MSR1: variants seen among roughly 807,000 people sequenced by gnomAD.
The protein encoded by MSR1 is macrophage scavenger receptor types I and II.
MSR1 carries 53 observed loss-of-function variants against 47.2 expected under a neutral mutation model. The ratio of observed to expected loss-of-function variants is 1.12; its 90% CI spans 0.90 to 1.41. The LOEUF (loss-of-function observed/expected upper bound fraction) is 1.41. Ranked by LOEUF, MSR1 falls within the 40% of genes most tolerant of loss-of-function variation. MSR1 has a pLI of 0.00. For missense variants in MSR1, 786 were observed against 546.9 expected (o/e 1.44, Z -4.36); for synonymous variants, 239 against 185.6 (o/e 1.29, Z -2.34).
chr8:16,143,115 A>C (rs190523770), intron 8 of MSR1, among the ~76,000 whole-genome samples: 14 of 152,250 alleles, frequency 9.2e-5, no homozygotes, highest in African/African-American at 3.4e-4. Context: ...CCACATTTCA[A>C]GTTTTTAGAA....
At chr8:16,140,458 C>G (rs1393003706) in intron 8 of MSR1, 7 of 987,054 alleles carry the variant, frequency 7.1e-6, no homozygotes, top group Non-Finnish European at 8.4e-6. Context: ...AAAATTTACA[C>G]CCTAGTTGTA....
chr8:16,130,984 G>A (rs948323768), intron 8 of MSR1, among the ~76,000 whole-genome samples: 5 of 151,936 alleles, frequency 3.3e-5, no homozygotes, highest in African/African-American at 9.7e-5. Flanking sequence ...TGTATTCTTC[G>A]GGTATATACT....
intron 3 of MSR1, among the ~76,000 whole-genome samples, chr8:16,172,407 T>C (rs1801511627): frequency 1.3e-5 from 2 of 152,306 alleles, no homozygotes; most frequent in South Asian, 4.1e-4. Flanking sequence ...TTCTATAAAA[T>C]GTTAACTTTT....
At chr8:16,120,776 A>T in intron 8 of MSR1, 170 bp from the exon 9 acceptor site, 1 of 853,562 alleles carries the variant, frequency 1.2e-6, no homozygotes, top group South Asian at 1.9e-5. Flanking sequence ...ACCTATTGGT[A>T]AAGAGTTTAA....
chr8:16,128,631 T>C lies in MSR1; in HGVS notation c.1034-8025A>G, dbSNP rs1800183131. Among the ~76,000 whole-genome samples the C allele has an allele frequency of 2.0e-5, 3 of 152,146 alleles. No homozygotes were observed. In the South Asian group the frequency reaches 6.2e-4, roughly 32 times the overall value. ...GACTAATACGTTTTCTTTTTTCACTTATGTTATGTTTTTACTTGCAAACGA... is the reference window on the plus strand; with the variant it reads ...GACTAATACGTTTTCTTTTTTCACTCATGTTATGTTTTTACTTGCAAACGA... On this transcript the variant is annotated intron_variant, in intron 8 of 9. Transcript: ENST00000262101.
At chr8:16,172,306 A>C (rs1170586478) in intron 3 of MSR1, among the ~76,000 whole-genome samples, 1 of 152,220 alleles carries the variant, frequency 6.6e-6, no homozygotes, top group African/African-American at 2.4e-5. Flanking sequence ...ACAACAAGTT[A>C]AACATGAGGT....
chr8:16,188,291 A>G (rs1446620265), intron 1 of MSR1, among the ~76,000 whole-genome samples: 1 of 152,044 alleles, frequency 6.6e-6, no homozygotes, highest in African/African-American at 2.4e-5. Context: ...TAATAATATT[A>G]TAGATATGTT....
Position 16,188,145 on chromosome 8 carries a change from G to C in MSR1, c.-5+4453C>G, listed in dbSNP as rs956739685. The stretch of plus-strand genomic sequence containing the variant: ...TATTAAAAGCACGTGCTCATGAGAA[G>C]TGAAACACGTTTCTGTAATATCAGC... On this transcript the variant is annotated intron_variant, in intron 1 of 9. Coordinates refer to ENST00000262101, the MANE Select transcript of MSR1 (RefSeq NM_138715.3). 3.3e-5 allele frequency among the ~76,000 whole-genome samples: 5 copies of C among 152,154 alleles called. No individual in the cohort carries two copies. The East Asian group carries it at 7.7e-4, about 23-fold the overall frequency.
intron 8 of MSR1, among the ~76,000 whole-genome samples, chr8:16,131,376 C>A (rs957531921): frequency 6.9e-6 from 1 of 145,296 alleles, no homozygotes; most frequent in Non-Finnish European, 1.5e-5. Flanking sequence ...GGATATTAGA[C>A]ATTTTTTGAT....
chr8:16,182,127 A>G (rs555180717), intron 1 of MSR1, among the ~76,000 whole-genome samples: 34 of 152,332 alleles, frequency 2.2e-4, no homozygotes, highest in African/African-American at 7.9e-4. Flanking sequence ...ATAGCATGTT[A>G]TACTGTGCTG....
At chr8:16,142,666 GA>G (rs1192041758) in intron 8 of MSR1, among the ~76,000 whole-genome samples, 1 of 152,076 alleles carries the variant, frequency 6.6e-6, no homozygotes, top group African/African-American at 2.4e-5. Flanking sequence ...TATATTTCTA[GA>G]TAATGATTAC....
chr8:16,117,753 CTG>C (rs2117056007), intron 9 of MSR1, among the ~76,000 whole-genome samples: 1 of 152,256 alleles, frequency 6.6e-6, no homozygotes, highest in Admixed American at 6.5e-5. Context: ...TCAGGTGTCA[CTG>C]TCTCCCATCA....
At position 16,155,381 on chromosome 8, in the gene MSR1, G is replaced by A. The variant is rs533001325; in HGVS notation, c.818-237C>T. Among the ~76,000 whole-genome samples the A allele has an allele frequency of 1.4e-4, 21 of 152,120 alleles. 1 individual carries two copies. The South Asian group carries it at 3.1e-3, about 23-fold the overall frequency. On this transcript the variant is annotated intron_variant, in intron 5 of 9. Coordinates refer to ENST00000262101, the MANE Select transcript of MSR1 (RefSeq NM_138715.3). ...TAAACAACCTAACAGTATATTAAATGTGAGTGTGCCTAACACTTTTCTATG... is the reference window on the plus strand; with the variant it reads ...TAAACAACCTAACAGTATATTAAATATGAGTGTGCCTAACACTTTTCTATG...
chr8:16,145,035 A>G (rs546273173), intron 7 of MSR1, among the ~76,000 whole-genome samples: 3 of 152,246 alleles, frequency 2.0e-5, no homozygotes, highest in Admixed American at 6.6e-5. Flanking sequence ...AACATATACA[A>G]TCAGTAGCAT....
At chr8:16,175,475 A>G (rs1178214252) in intron 2 of MSR1, among the ~76,000 whole-genome samples, 175 bp from the exon 3 acceptor site, 1 of 152,246 alleles carries the variant, frequency 6.6e-6, no homozygotes, top group Non-Finnish European at 1.5e-5. Flanking sequence ...GGAAAAGCCA[A>G]TCCAGGTATC....
At chr8:16,150,170 A>G (rs1173747320) in intron 7 of MSR1, 61 bp downstream of exon 7, 3 of 316,298 alleles carry the variant, frequency 9.5e-6, no homozygotes, top group African/African-American at 7.2e-5. Flanking sequence ...ATATATATAT[A>G]TAAAATTATC....
At chr8:16,158,967 G>C (rs369606565) in intron 5 of MSR1, among the ~76,000 whole-genome samples, 20 of 98,356 alleles carry the variant, frequency 2.0e-4, no homozygotes, top group African/African-American at 6.6e-4. Flanking sequence ...ATAGGGTCTT[G>C]CTACTTTGCC....
At chr8:16,169,529 T>A (rs1801421132) in intron 3 of MSR1, among the ~76,000 whole-genome samples, 1 of 152,104 alleles carries the variant, frequency 6.6e-6, no homozygotes, top group African/African-American at 2.4e-5. Context: ...AAATATATAT[T>A]CACAGCAGAA....
chr8:16,181,290 G>T (rs1407012539), intron 1 of MSR1, among the ~76,000 whole-genome samples: 1 of 152,084 alleles, frequency 6.6e-6, no homozygotes, highest in African/African-American at 2.4e-5. Flanking sequence ...CACAATGGTT[G>T]AACTAATTTA....
Sources: gnomAD v4.1 joint callset for allele counts (sites outside exome capture counted in the v4.1 genomes callset) on GRCh38, gnomAD v4.1.1 for gene constraint, MANE v1.5 for transcripts, NCBI Gene and HGNC (gene_info 2026-07-23, HGNC 2026-07-21) for gene names.